Variants in PDZRN4 observed in about 807,000 individuals in gnomAD.
PDZRN4 encodes the protein PDZ domain-containing RING finger protein 4.
PDZRN4 carries 70 observed loss-of-function variants against 99.0 expected under a neutral mutation model. The observed-to-expected ratio is 0.71, with a 90% CI of 0.58 to 0.86. The LOEUF (loss-of-function observed/expected upper bound fraction) is 0.86, where lower values mean the gene tolerates loss of function less well. PDZRN4 is among the 40% of genes least tolerant of loss of function. The pLI, the probability that PDZRN4 is intolerant of heterozygous loss-of-function variation, is 0.00. For missense variants in PDZRN4, 1,474 were observed against 1,331.2 expected (o/e 1.11, Z -1.67); for synonymous variants, 551 against 501.6 (o/e 1.10, Z -1.32).
intron 3 of PDZRN4, among the ~76,000 whole-genome samples, chr12:41,424,431 TAAC>T (rs1011823366): frequency 2.0e-5 from 3 of 152,192 alleles, no homozygotes; most frequent in African/African-American, 7.2e-5. Flanking sequence ...TAGAGAAACT[TAAC>T]AATTTTTATA....
chr12:41,359,673 C>T (rs370106730), intron 3 of PDZRN4, among the ~76,000 whole-genome samples: 5 of 151,470 alleles, frequency 3.3e-5, no homozygotes, highest in South Asian at 4.1e-4. Flanking sequence ...CCATATATGA[C>T]GTGGCTTTGC....
At chr12:41,213,164 C>T (rs1353160315) in intron 3 of PDZRN4, among the ~76,000 whole-genome samples, 1 of 151,824 alleles carries the variant, frequency 6.6e-6, no homozygotes, top group East Asian at 1.9e-4. Flanking sequence ...AAAATAGGAA[C>T]CCATGAAAGT....
At chr12:41,508,358 C>G (rs1271482926) in intron 4 of PDZRN4, among the ~76,000 whole-genome samples, 1 of 152,158 alleles carries the variant, frequency 6.6e-6, no homozygotes, top group Non-Finnish European at 1.5e-5. Flanking sequence ...CTACCATGTG[C>G]TCCCAAGGCT....
At chr12:41,358,147 C>T (rs1309946188) in intron 3 of PDZRN4, among the ~76,000 whole-genome samples, 3 of 151,844 alleles carry the variant, frequency 2.0e-5, no homozygotes, top group Admixed American at 6.6e-5. Flanking sequence ...GAAGCTTGTT[C>T]CCTTAGTAGG....
At chr12:41,353,669 A>C (rs2121044478) in intron 3 of PDZRN4, among the ~76,000 whole-genome samples, 1 of 152,156 alleles carries the variant, frequency 6.6e-6, no homozygotes, top group Middle Eastern at 3.4e-3. Context: ...TGGAGGCAGA[A>C]GTGTTCTCTC....
In PDZRN4 at chr12:41,496,249, T is replaced by A. The variant is rs150208452; in HGVS notation, c.844-10207T>A. ...TTACTGTCATTGTCACTGCCAGGAA[T>A]GTAACGTGTATCCCCAGAGAGTAGC... On this transcript the variant is annotated intron_variant, in intron 3 of 9. Transcript: ENST00000402685. 3.9e-5 allele frequency among the ~76,000 whole-genome samples: 6 copies of A among 152,220 alleles called. No homozygotes were observed. The East Asian group carries it at 1.2e-3, about 29-fold the overall frequency.
At chr12:41,226,953 C>G (rs1591975952) in intron 3 of PDZRN4, among the ~76,000 whole-genome samples, 1 of 152,170 alleles carries the variant, frequency 6.6e-6, no homozygotes, top group Middle Eastern at 3.4e-3. Flanking sequence ...GATCTAATAC[C>G]CAGGTTTCTT....
intron 3 of PDZRN4, among the ~76,000 whole-genome samples, chr12:41,233,471 C>A (rs1566380066): frequency 6.6e-6 from 1 of 152,040 alleles, no homozygotes; most frequent in Non-Finnish European, 1.5e-5. Context: ...TCATGCTGCT[C>A]TGAAGACACA....
At chr12:41,384,830 G>T (rs571611272) in intron 3 of PDZRN4, among the ~76,000 whole-genome samples, 1 of 152,162 alleles carries the variant, frequency 6.6e-6, no homozygotes, top group African/African-American at 2.4e-5. Context: ...AGAAGTAACA[G>T]CAATGCCCAA....
chr12:41,384,317 T>G (rs1321081145), intron 3 of PDZRN4, among the ~76,000 whole-genome samples: 1 of 152,198 alleles, frequency 6.6e-6, no homozygotes, highest in East Asian at 1.9e-4. Flanking sequence ...GGTAGACATC[T>G]GTACCACTCA....
chr12:41,208,759 T>C (rs1950867280), intron 3 of PDZRN4, among the ~76,000 whole-genome samples: 1 of 151,968 alleles, frequency 6.6e-6, no homozygotes, highest in Admixed American at 6.6e-5. Flanking sequence ...TTGTTTATTC[T>C]CTGGGTAGAA....
intron 3 of PDZRN4, among the ~76,000 whole-genome samples, chr12:41,251,030 G>A (rs1159997399): frequency 6.6e-6 from 1 of 152,156 alleles, no homozygotes; most frequent in Non-Finnish European, 1.5e-5. Context: ...TACTGGTAAA[G>A]ACATGTTTTA....
At chr12:41,376,652 G>A (rs1952083272) in intron 3 of PDZRN4, among the ~76,000 whole-genome samples, 1 of 152,068 alleles carries the variant, frequency 6.6e-6, no homozygotes, top group African/African-American at 2.4e-5. Flanking sequence ...TATATGGTTT[G>A]AAAATATTCT....
intron 4 of PDZRN4, among the ~76,000 whole-genome samples, chr12:41,508,499 T>A (rs1453174252): frequency 6.6e-6 from 1 of 152,190 alleles, no homozygotes; most frequent in Non-Finnish European, 1.5e-5. Context: ...TGGCAGCCAC[T>A]AAATAAACGT....
intron 3 of PDZRN4, among the ~76,000 whole-genome samples, chr12:41,346,776 G>T (rs1951857848): frequency 6.6e-6 from 1 of 151,984 alleles, no homozygotes; most frequent in African/African-American, 2.4e-5. Flanking sequence ...GGACATTTTT[G>T]TCCTTCCTAA....
At chr12:41,323,755 A>C (rs2120978593) in intron 3 of PDZRN4, among the ~76,000 whole-genome samples, 1 of 151,998 alleles carries the variant, frequency 6.6e-6, no homozygotes, top group South Asian at 2.1e-4. Flanking sequence ...ATATCTAAAT[A>C]TTTTCTGCAC....
chr12:41,507,561 G>A (rs867068122), intron 4 of PDZRN4, among the ~76,000 whole-genome samples: 25 of 152,066 alleles, frequency 1.6e-4, no homozygotes, highest in African/African-American at 3.9e-4. Flanking sequence ...CCATAAGCCC[G>A]TTTCAGTGGG....
At chr12:41,200,467 ATT>A (rs1950807568) in intron 3 of PDZRN4, among the ~76,000 whole-genome samples, 1 of 152,138 alleles carries the variant, frequency 6.6e-6, no homozygotes, top group Non-Finnish European at 1.5e-5. Flanking sequence ...TGTTATATCC[ATT>A]TTAAATTTCT....
intron 3 of PDZRN4, among the ~76,000 whole-genome samples, chr12:41,474,632 C>A (rs1172295466): frequency 6.6e-6 from 1 of 152,112 alleles, no homozygotes; most frequent in African/African-American, 2.4e-5. Flanking sequence ...AGGTTTTGAG[C>A]AGGATAATCA....
Sources: gnomAD v4.1 joint callset for allele counts (sites outside exome capture counted in the v4.1 genomes callset) on GRCh38, gnomAD v4.1.1 for gene constraint, MANE v1.5 for transcripts, NCBI Gene and HGNC (gene_info 2026-07-23, HGNC 2026-07-21) for gene names.